PAQR5: variants seen among roughly 807,000 people sequenced by gnomAD.
PAQR5 encodes progestin and adipoQ receptor family member 5.
In PAQR5, 20 loss-of-function variants were observed where a neutral mutation model predicts 34.5. The ratio of observed to expected loss-of-function variants is 0.58; its 90% CI spans 0.41 to 0.84. The LOEUF is 0.84. Ranked by LOEUF, PAQR5 falls within the 40% of genes least tolerant of loss-of-function variation. The pLI, the probability that PAQR5 is intolerant of heterozygous loss-of-function variation, is 0.00. For synonymous variants in PAQR5, 131 were observed against 155.6 expected, an observed-to-expected ratio of 0.84 and a Z score of 1.18; for missense variants, 378 against 412.7, an observed-to-expected ratio of 0.92 and a Z score of 0.73.
At chr15:69,330,829 C>T (rs1355370846) in intron 1 of PAQR5, among the ~76,000 whole-genome samples, 4 of 152,220 alleles carry the variant, frequency 2.6e-5, no homozygotes, top group East Asian at 3.8e-4. Flanking sequence ...CTTGATGAAT[C>T]GGCTTTGTCT....
In PAQR5 at chr15:69,333,640, C is replaced by T. The variant is rs1029092057; in HGVS notation, c.-276-3701C>T. 2.0e-5 allele frequency among the ~76,000 whole-genome samples: 3 copies of T among 152,200 alleles called. No individual in the cohort carries two copies. The East Asian group carries it at 5.8e-4, about 29-fold the overall frequency. On this transcript the variant is annotated intron_variant, in intron 1 of 8. Transcript: ENST00000395407. ...AGAAGCATTGCACGGTCTTCTCCCA[C>T]AGTATTTCCCTCCTGTTGGGGATCC... is the stretch of plus-strand genomic sequence containing the variant.
At chr15:69,346,621 AT>A (rs59483245) in intron 2 of PAQR5, among the ~76,000 whole-genome samples, 20,654 of 132,468 alleles carry the variant, frequency 0.16, 2,682 homozygotes, top group African/African-American at 0.37. Context: ...TCCAGCTGCA[AT>A]TTTTTTTTTT....
chr15:69,381,084 G>GCC (rs2055872692), intron 4 of PAQR5, among the ~76,000 whole-genome samples: 1 of 152,230 alleles, frequency 6.6e-6, no homozygotes, highest in East Asian at 1.9e-4. Flanking sequence ...AAGGAGTGTG[G>GCC]CAGCCCTGGG....
chr15:69,311,122 T>C (rs1028173988), intron 1 of PAQR5, among the ~76,000 whole-genome samples: 3 of 140,978 alleles, frequency 2.1e-5, no homozygotes, highest in African/African-American at 8.0e-5. Context: ...GATATGGAGG[T>C]CCCTGAGGAA....
chr15:69,368,360 T>A (rs2055460035), intron 3 of PAQR5, among the ~76,000 whole-genome samples: 1 of 152,210 alleles, frequency 6.6e-6, no homozygotes, highest in African/African-American at 2.4e-5. Context: ...TGCTTTTAAC[T>A]CTTCTGGCCT....
In PAQR5 at chr15:69,367,553, C is replaced by G. The variant is rs189019678; in HGVS notation, c.51+7422C>G. Among the ~76,000 whole-genome samples the G allele has an allele frequency of 2.5e-3, 381 of 152,316 alleles. 2 individuals carry two copies. Among genetic ancestry groups the G allele is most frequent in the African/African-American group, 9.0e-3 (373 of 41,570 alleles). On this transcript the variant is annotated intron_variant, in intron 3 of 8. Coordinates refer to ENST00000395407, the MANE Select transcript of PAQR5 (RefSeq NM_017705.4). ...TGGCTGCCCCCTCTGCAACGTGCAGCCTCCAAGGTCATCCCAGAAGGGGAA... is the reference window on the plus strand; with the variant it reads ...TGGCTGCCCCCTCTGCAACGTGCAGGCTCCAAGGTCATCCCAGAAGGGGAA...
intron 1 of PAQR5, among the ~76,000 whole-genome samples, chr15:69,310,317 C>T (rs8030648): frequency 1.6e-3 from 238 of 152,178 alleles, no homozygotes; most frequent in African/African-American, 5.6e-3. Context: ...GGAAAGATAT[C>T]GGCAATGTGC....
At chr15:69,301,480 G>T (rs559842983) in intron 1 of PAQR5, among the ~76,000 whole-genome samples, 1 of 152,156 alleles carries the variant, frequency 6.6e-6, no homozygotes, top group Non-Finnish European at 1.5e-5. Flanking sequence ...ATTGGAATTG[G>T]AATTATTTGG....
At chr15:69,361,863 G>T (rs1291758749) in intron 3 of PAQR5, among the ~76,000 whole-genome samples, 10 of 152,136 alleles carry the variant, frequency 6.6e-5, no homozygotes, top group South Asian at 4.1e-4. Context: ...GATCTGAGGG[G>T]TGGACAGGAT....
chr15:69,327,054 A>G (rs1366834899), intron 1 of PAQR5, among the ~76,000 whole-genome samples: 1 of 151,450 alleles, frequency 6.6e-6, no homozygotes, highest in Non-Finnish European at 1.5e-5. Flanking sequence ...TGGCAGTAAC[A>G]TGGCTCACTG....
chr15:69,360,047 T>C lies in PAQR5; in HGVS notation c.-34T>C. 5 of 1,597,386 alleles carry C rather than the reference T, an allele frequency of 3.1e-6. No homozygotes were observed. The highest frequency in any genetic ancestry group is 1.7e-4 in the Middle Eastern group (1 of 6,036). On this transcript the variant is annotated 5_prime_UTR_variant, in exon 3 of 9. Transcript: ENST00000395407. The stretch of plus-strand genomic sequence containing the variant: ...GTGAGGCCTGGTAACAGGGAGGCGC[T>C]GTCACCTACTGGCCTTGCCAATCCA...
chr15:69,337,093 C>T lies in PAQR5; in HGVS notation c.-276-248C>T, dbSNP rs116719492. Among the ~76,000 whole-genome samples the T allele has an allele frequency of 2.3e-3, 357 of 152,276 alleles. 2 individuals are homozygous for T. Among genetic ancestry groups the T allele is most frequent in the African/African-American group, 8.2e-3 (340 of 41,558 alleles). The stretch of plus-strand genomic sequence containing the variant: ...GAAAAAAGGAAACTTCTAGGACTCT[C>T]GTGGAGAGCTGGTATGTTAAACATT... On this transcript the variant is annotated intron_variant, in intron 1 of 8. Transcript: ENST00000395407.
At chr15:69,394,756 C>A (rs1225638545) in intron 6 of PAQR5, among the ~76,000 whole-genome samples, 1 of 152,224 alleles carries the variant, frequency 6.6e-6, no homozygotes, top group East Asian at 1.9e-4. Flanking sequence ...GAGGATGCTG[C>A]GGCTGTGGTT....
At chr15:69,397,157 T>C (rs2056462524) in intron 6 of PAQR5, 1 of 521,484 alleles carries the variant, frequency 1.9e-6, no homozygotes, top group African/African-American at 1.9e-5. Context: ...AAAGGTTCTT[T>C]GGCAGTTACA....
At position 69,403,973 on chromosome 15, in the gene PAQR5, G is replaced by C; in HGVS notation, c.*151G>C. 1.2e-6 allele frequency: 1 copy of C among 819,238 alleles called. No homozygotes were observed. Among genetic ancestry groups the C allele is most frequent in the Non-Finnish European group, 1.9e-6 (1 of 533,342 alleles). The allele number at this position is 819,238 out of a possible 1,614,324, so 50.7% of individuals were successfully genotyped here. On this transcript the variant is annotated 3_prime_UTR_variant, in exon 9 of 9. Transcript: ENST00000395407. ...GAATTCATGTCAAAAATGTTATTCA[G>C]CTGGGGAAATTTCTCTAAATGTACA... is the stretch of plus-strand genomic sequence containing the variant.
chr15:69,310,168 T>A (rs1175023619), intron 1 of PAQR5, among the ~76,000 whole-genome samples: 4 of 152,160 alleles, frequency 2.6e-5, no homozygotes, highest in African/African-American at 9.7e-5. Flanking sequence ...ATGGAGGCAG[T>A]TTTGAGCCTT....
intron 2 of PAQR5, among the ~76,000 whole-genome samples, chr15:69,340,999 T>C (rs1396132085): frequency 2.0e-5 from 3 of 152,200 alleles, no homozygotes; most frequent in African/African-American, 7.2e-5. Context: ...TACTTTTTTA[T>C]TGTGGTAAAA....
At chr15:69,324,236 C>T (rs1284957030) in intron 1 of PAQR5, among the ~76,000 whole-genome samples, 1 of 152,014 alleles carries the variant, frequency 6.6e-6, no homozygotes, top group Non-Finnish European at 1.5e-5. Flanking sequence ...ACAGGGAGTG[C>T]CCATTTGCCA....
intron 3 of PAQR5, among the ~76,000 whole-genome samples, chr15:69,366,455 T>G (rs1310798792): frequency 6.6e-6 from 1 of 152,158 alleles, no homozygotes; most frequent in African/African-American, 2.4e-5. Flanking sequence ...GTCAGTCTCT[T>G]TGGTGTACAA....
Sources: gnomAD v4.1 joint callset for allele counts (sites outside exome capture counted in the v4.1 genomes callset) on GRCh38, gnomAD v4.1.1 for gene constraint, MANE v1.5 for transcripts, NCBI Gene and HGNC (gene_info 2026-07-23, HGNC 2026-07-21) for gene names.